Variants in ARAP2 observed in about 807,000 individuals in gnomAD.
ARAP2 encodes arf-GAP with Rho-GAP domain, ANK repeat and PH domain-containing protein 2.
Under a neutral mutation model 194.5 loss-of-function variants are expected in ARAP2, and 148 were observed. The observed-to-expected ratio is 0.76, with a 90% CI of 0.67 to 0.87. The LOEUF is 0.87. Ranked by LOEUF, ARAP2 falls within the 40% of genes least tolerant of loss-of-function variation. The pLI is 0.00. For missense variants in ARAP2, 2,128 were observed against 1,989.7 expected (o/e 1.07, Z -1.32); for synonymous variants, 695 against 683.5 (o/e 1.02, Z -0.26).
intron 28 of ARAP2, among the ~76,000 whole-genome samples, chr4:36,087,618 A>G (rs1236781933): frequency 6.6e-6 from 1 of 152,142 alleles, no homozygotes; most frequent in Non-Finnish European, 1.5e-5. Context: ...AAAACAATGC[A>G]TCTGTAAAAG....
intron 8 of ARAP2, among the ~76,000 whole-genome samples, chr4:36,014,300 G>GAAAGAAAGAAAGAAAGAA (rs1560264638): frequency 4.0e-5 from 3 of 74,518 alleles, no homozygotes; most frequent in Non-Finnish European, 2.5e-5. Flanking sequence ...AAAGAAAGAA[G>GAAAGAAAGAAAGAAAGAA]AGAAGGAAGG....
At chr4:36,193,794 G>T (rs772009896) in intron 6 of ARAP2, 147 bp from the exon 7 acceptor site, 1 of 583,776 alleles carries the variant, frequency 1.7e-6, no homozygotes, top group Non-Finnish European at 2.8e-6. Context: ...CACAGTTTTG[G>T]CCATGGCACA....
At chr4:36,155,646 TATTTA>T (rs1484639211) in intron 15 of ARAP2, among the ~76,000 whole-genome samples, 3 of 148,774 alleles carry the variant, frequency 2.0e-5, no homozygotes, top group African/African-American at 7.6e-5. Context: ...TTTTATTTTT[TATTTA>T]TTTTTTTTTT....
At chr4:36,046,238 C>T (rs1031524411) in intron 4 of ARAP2, among the ~76,000 whole-genome samples, 2 of 152,130 alleles carry the variant, frequency 1.3e-5, no homozygotes, top group African/African-American at 4.8e-5. Context: ...GGCTGGAGTA[C>T]AGTGGTGCAG....
chr4:36,136,821 G>A (rs896050261), intron 19 of ARAP2, among the ~76,000 whole-genome samples: 26 of 76,216 alleles, frequency 3.4e-4, no homozygotes, highest in African/African-American at 4.6e-4. Context: ...GTGTGTGTGC[G>A]TGTCTGTGTA....
At chr4:36,202,476 C>G (rs1744573289) in intron 6 of ARAP2, among the ~76,000 whole-genome samples, 1 of 151,244 alleles carries the variant, frequency 6.6e-6, no homozygotes, top group South Asian at 2.1e-4. Flanking sequence ...TCTGCTATAT[C>G]TACATCCTAA....
chr4:36,212,718 T>C (rs1446704601), intron 4 of ARAP2, among the ~76,000 whole-genome samples: 1 of 151,882 alleles, frequency 6.6e-6, no homozygotes, highest in African/African-American at 2.4e-5. Flanking sequence ...TCAATTCAAG[T>C]AAGAATAAAA....
At chr4:36,241,204 C>T (rs1753438263) in intron 1 of ARAP2, among the ~76,000 whole-genome samples, 2 of 152,158 alleles carry the variant, frequency 1.3e-5, no homozygotes, top group South Asian at 4.1e-4. Context: ...GAATGTAAGT[C>T]ATATTTTTAG....
chr4:36,189,602 T>C (rs1295947099), intron 7 of ARAP2, among the ~76,000 whole-genome samples: 1 of 152,176 alleles, frequency 6.6e-6, no homozygotes, highest in Non-Finnish European at 1.5e-5. Flanking sequence ...TCTGTACTAC[T>C]TTTTACTTTG....
At chr4:36,064,617 G>A (rs1232699690), downstream of ARAP2, among the ~76,000 whole-genome samples, 1 of 152,220 alleles carries the variant, frequency 6.6e-6, no homozygotes, top group Admixed American at 6.5e-5. Context: ...CTCTGAGGTG[G>A]AGGGTCCCAC....
intron 8 of ARAP2, 31 bp downstream of exon 8, chr4:36,187,420 G>A: frequency 8.3e-7 from 1 of 1,197,686 alleles, no homozygotes; most frequent in Non-Finnish European, 1.1e-6. Flanking sequence ...AGAAATTAAT[G>A]TATTTCATAT....
At chr4:36,020,981 G>T (rs78311244) in intron 5 of ARAP2, among the ~76,000 whole-genome samples, 3,378 of 152,252 alleles carry the variant, frequency 0.022, 50 homozygotes, top group South Asian at 0.039. Flanking sequence ...GAGAGTTTCC[G>T]ATGTTTAAAA....
Position 36,210,611 on chromosome 4 carries a change from A to T in ARAP2, c.1266T>A (p.Phe422Leu), listed in dbSNP as rs1746545982. The T allele has an allele frequency of 4.3e-6, 7 of 1,613,828 alleles. No homozygotes were observed. In the South Asian group the frequency reaches 7.7e-5, roughly 18 times the overall value. Residue 422 changes from phenylalanine to leucine, a missense_variant, in exon 6 of 33, where the codon TTT becomes TTA. Physicochemically the swap from Phe to Leu is conservative, Grantham distance 22. Coordinates refer to ENST00000303965, the MANE Select transcript of ARAP2 (RefSeq NM_015230.4). Reference protein sequence around the residue: ...ESEYSTVEECFQSLRRKNSKA... With the variant: ...ESEYSTVEECLQSLRRKNSKA... ...TTGAATTTTTTCTTCTTAAACTCTG[A>T]AAGCATTCTTCTACTGTTGAGTATT...
chr4:36,063,874 T>A (rs1417904012), downstream of ARAP2, among the ~76,000 whole-genome samples: 1 of 152,232 alleles, frequency 6.6e-6, no homozygotes, highest in Non-Finnish European at 1.5e-5. Context: ...AAAGTGATTA[T>A]TAAAACTTTA....
rs145839627 is a variant in ARAP2 at position 36,133,375 on chromosome 4, T to C, written c.3278A>G (p.His1093Arg). 3.0e-5 allele frequency: 48 copies of C among 1,610,512 alleles called. No homozygotes were observed. The African/African-American group carries it at 5.2e-4, about 18-fold the overall frequency. ...TGTGAAATCCAACTTGGTATGCCCA[T>C]GGATGTATAATGTTCTGTAAAGTTT... ...LVEKGRTLYI[H>R]GHTKLDFTVW... The change falls in exon 20 of 33, where the codon CAT becomes CGT. Residue 1093 changes from histidine (H) to arginine (R), a missense_variant. Coordinates refer to ENST00000303965, the MANE Select transcript of ARAP2 (RefSeq NM_015230.4).
chr4:36,136,589 TA>T (rs1726774822), intron 19 of ARAP2, among the ~76,000 whole-genome samples: 1 of 151,782 alleles, frequency 6.6e-6, no homozygotes, highest in Non-Finnish European at 1.5e-5. Context: ...TATGCTCATA[TA>T]AAAAAGATTT....
At position 36,131,551 on chromosome 4, in the gene ARAP2, T is replaced by C. The variant is rs73809104; in HGVS notation, c.3427+1675A>G. Among the ~76,000 whole-genome samples the C allele has an allele frequency of 5.3e-3, 808 of 151,754 alleles. 11 individuals are homozygous for C. Among genetic ancestry groups the C allele is most frequent in the African/African-American group, 0.018 (761 of 41,512 alleles). On this transcript the variant is annotated intron_variant, in intron 20 of 32. Coordinates refer to ENST00000303965, the MANE Select transcript of ARAP2 (RefSeq NM_015230.4). ...GTGAAGGCATCTTGTAATAGAGGTA[T>C]AAAGTTGTTATAATATATGAGTTTT...
chr4:36,027,505 C>T (rs1324462919), intron 5 of ARAP2, among the ~76,000 whole-genome samples: 1 of 151,754 alleles, frequency 6.6e-6, no homozygotes, highest in Non-Finnish European at 1.5e-5. Flanking sequence ...ACGAAGCAAT[C>T]GCTGACACTC....
intron 5 of ARAP2, among the ~76,000 whole-genome samples, chr4:36,026,233 T>G (rs1219091331): frequency 1.3e-5 from 2 of 152,188 alleles, no homozygotes; most frequent in Non-Finnish European, 2.9e-5. Flanking sequence ...TCTCTTAGAA[T>G]TATCCAATGC....
Sources: gnomAD v4.1 joint callset for allele counts (sites outside exome capture counted in the v4.1 genomes callset) on GRCh38, gnomAD v4.1.1 for gene constraint, MANE v1.5 for transcripts, NCBI Gene and HGNC (gene_info 2026-07-23, HGNC 2026-07-21) for gene names.